The following CDKL5 variants were observed in gnomAD, a reference collection of about 807,000 sequenced individuals.
CDKL5 encodes cyclin dependent kinase like 5.
A neutral mutation model predicts 61.7 loss-of-function variants in CDKL5; 8 were observed. The ratio of observed to expected loss-of-function variants is 0.13; its 90% CI spans 0.08 to 0.23. The LOEUF (loss-of-function observed/expected upper bound fraction) is 0.23. Among genes scored for constraint, CDKL5 ranks in the 10% least tolerant of loss-of-function variants. The pLI, the probability that CDKL5 is intolerant of heterozygous loss-of-function variation, is 1.00. For missense variants in CDKL5, 440 were observed against 734.5 expected (o/e 0.60, Z 4.63); for synonymous variants, 275 against 272.3 (o/e 1.01, Z -0.10).
In CDKL5 at chrX:18,606,882, C is replaced by T. The variant is rs757740816; in HGVS notation, c.1945-1929C>T. ...TGGGAAACGGAGTGGATCTTCTACT[C>T]CTCAGAAGTAGAAACAATAGGATTT... On this transcript the variant is annotated intron_variant, in intron 12 of 17. Coordinates refer to ENST00000623535, the MANE Select transcript of CDKL5 (RefSeq NM_001323289.2). Among the ~76,000 whole-genome samples, 4 of 111,859 alleles carry T rather than the reference C, an allele frequency of 3.6e-5. No individual in the cohort carries two copies. The South Asian group carries it at 1.5e-3, about 42-fold the overall frequency.
At position 18,432,075 on chromosome X, in the gene CDKL5, ATTTC is replaced by A. The variant is rs201355473; in HGVS notation, c.-163+6404_-163+6407del. Reference sequence around the variant, plus strand: ...AGGCACATGCCACTGCACCTGGCTAATTTCTTTCTTTCTTTCTTTCTTTCTTTTT... The same window carrying A: ...AGGCACATGCCACTGCACCTGGCTAATTTCTTTCTTTCTTTCTTTCTTTTT... On this transcript the variant is annotated intron_variant, in intron 1 of 17. Transcript: ENST00000623535. Among the ~76,000 whole-genome samples, 449 of 97,953 alleles carry A rather than the reference ATTTC, an allele frequency of 4.6e-3. 3 individuals are homozygous for A. In the East Asian group the frequency reaches 0.049, roughly 11 times the overall value. The allele number at this position is 97,953 out of a possible 115,157, so 85.1% of individuals were successfully genotyped here.
chrX:18,604,411 A>G lies in CDKL5; in HGVS notation c.1487A>G (p.Lys496Arg). Residue 496 changes from lysine to arginine, a missense_variant, in exon 12 of 18, where the codon AAG (lysine) becomes AGG (arginine). Physicochemically the swap from Lys to Arg is conservative, Grantham distance 26. This residue lies in a region of CDKL5 where 363 missense variants were observed against 516.3 expected (regional missense o/e 0.70). Transcript: ENST00000623535. ...AGCCATGGGGCACTGAGTGACTCCA[A>G]GTCTGTGAGCAACCTTTCTGAAGCC... The part of the protein sequence containing the change: ...AKSHGALSDS[K>R]SVSNLSEARA... 8.3e-7 allele frequency: 1 copy of G among 1,211,651 alleles called. No homozygotes were observed.
chrX:18,473,429 C>T (rs776982290), intron 1 of CDKL5, among the ~76,000 whole-genome samples: 24 of 110,442 alleles, frequency 2.2e-4, no homozygotes, highest in African/African-American at 7.6e-4. Flanking sequence ...GTGCTCGTCA[C>T]CCAGGTAAAC....
chrX:18,631,414 C>G lies in CDKL5; in HGVS notation c.*2657C>G. 1.3e-6 allele frequency: 1 copy of G among 754,278 alleles called. No individual in the cohort carries two copies. The highest frequency in any genetic ancestry group is 1.6e-6 in the Non-Finnish European group (1 of 639,205). 62.2% of individuals were successfully genotyped at this position (754,278 alleles called of 1,213,427 possible). On this transcript the variant is annotated 3_prime_UTR_variant, in exon 18 of 18. Transcript: ENST00000623535. ...GCATTTCCAGCATGCAATTCTCTTCCTGCTCACGGAGGGGGATGCAAAAGT... is the reference window on the plus strand; with the variant it reads ...GCATTTCCAGCATGCAATTCTCTTCGTGCTCACGGAGGGGGATGCAAAAGT...
chrX:18,468,067 A>G (rs1436428793), intron 1 of CDKL5, among the ~76,000 whole-genome samples: 2 of 111,945 alleles, frequency 1.8e-5, no homozygotes, highest in East Asian at 2.8e-4. Context: ...ATTCCTGTAG[A>G]TTAAAAAATT....
chrX:18,470,721 G>T (rs1461638363), intron 1 of CDKL5, among the ~76,000 whole-genome samples: 1 of 112,134 alleles, frequency 8.9e-6, no homozygotes, highest in African/African-American at 3.2e-5. Context: ...GGTACAGGTT[G>T]ATAAATGAGA....
rs1041912870 is a variant in CDKL5 at position 18,633,141 on chromosome X, C to G, written c.*4384C>G. On this transcript the variant is annotated 3_prime_UTR_variant, in exon 18 of 18. Transcript: ENST00000623535. ...TTCCTGGAGAGCATTGCTTTTCTAT[C>G]TAGAAGTTCGTTACCTCCTGCATGA... 4.0e-6 allele frequency: 3 copies of G among 752,326 alleles called. No homozygotes were observed. The African/African-American group carries it at 7.0e-5, about 17-fold the overall frequency. 62.0% of individuals were successfully genotyped at this position (752,326 alleles called of 1,213,427 possible). A position where few individuals can be genotyped will look rare whatever the true frequency, so the allele number is the denominator to read the frequency against.
chrX:18,567,662 G>T (rs1925011182), intron 4 of CDKL5, among the ~76,000 whole-genome samples: 1 of 111,337 alleles, frequency 9.0e-6, no homozygotes, highest in Admixed American at 9.6e-5. Flanking sequence ...CAGGAGGATT[G>T]CTTGAGCCAG....
intron 1 of CDKL5, among the ~76,000 whole-genome samples, chrX:18,467,265 G>A (rs1300632446): frequency 9.0e-6 from 1 of 111,589 alleles, no homozygotes; most frequent in African/African-American, 3.3e-5. Context: ...GGCCAGTCCT[G>A]TGGATCCTGG....
At position 18,628,369 on chromosome X, in the gene CDKL5, A is replaced by G; in HGVS notation, c.2497-2A>G. ...TGTGTGCATTCTCATCCTTTCTTTC[A>G]GAGCCAGCCATTAAAATCACTGCGC... On this transcript the variant is annotated splice_acceptor_variant, in intron 17 of 17. Transcript: ENST00000623535. LOFTEE classifies it high-confidence loss of function. 8.3e-7 allele frequency: 1 copy of G among 1,210,399 alleles called. No homozygotes were observed. Among genetic ancestry groups the G allele is most frequent in the Non-Finnish European group, 1.1e-6 (1 of 894,334 alleles).
chrX:18,631,850 T>G lies in CDKL5; in HGVS notation c.*3093T>G. ...CCCAAGACCAAAAGGGAGTGCTTCA[T>G]GCTGAGGGGCTCAAGTGAGCTGACT... On this transcript the variant is annotated 3_prime_UTR_variant, in exon 18 of 18. Transcript: ENST00000623535. 1.3e-6 allele frequency: 1 copy of G among 754,410 alleles called. No homozygotes were observed. The highest frequency in any genetic ancestry group is 1.6e-6 in the Non-Finnish European group (1 of 639,302). 62.2% of individuals were successfully genotyped at this position (754,410 alleles called of 1,213,427 possible). A position where few individuals can be genotyped will look rare whatever the true frequency, so the allele number is the denominator to read the frequency against.
At chrX:18,480,897 C>G (rs1398884628) in intron 1 of CDKL5, among the ~76,000 whole-genome samples, 1 of 103,466 alleles carries the variant, frequency 9.7e-6, no homozygotes, top group Non-Finnish European at 2.0e-5. Flanking sequence ...TCGTTCTATC[C>G]CCTAGGCTGG....
At chrX:18,646,017 T>C in exon 20 of CDKL5, 2 of 1,211,708 alleles carry the variant, frequency 1.7e-6, no homozygotes, top group Non-Finnish European at 2.2e-6. Context: ...ACGGTGGATG[T>C]GATGGCAGAA....
intron 12 of CDKL5, among the ~76,000 whole-genome samples, chrX:18,606,305 T>G (rs1420327855): frequency 2.7e-5 from 3 of 112,224 alleles, no homozygotes; most frequent in Non-Finnish European, 5.6e-5. Flanking sequence ...CAGAAGCAGT[T>G]AGAAATGGCT....
chrX:18,587,931 TA>T (rs1925693579), intron 8 of CDKL5, 22 bp from the exon 9 acceptor site: 1 of 1,195,890 alleles, frequency 8.4e-7, no homozygotes, highest in African/African-American at 1.8e-5. Flanking sequence ...GTTGCCAAAA[TA>T]ATCTCTTCCT....
chrX:18,651,281 G>GAC (rs1928034685), intron 21 of CDKL5, among the ~76,000 whole-genome samples: 1 of 108,595 alleles, frequency 9.2e-6, no homozygotes, highest in African/African-American at 3.4e-5. Context: ...GAGAGAGAGA[G>GAC]AGAGAGACAG....
intron 15 of CDKL5, among the ~76,000 whole-genome samples, chrX:18,616,349 G>A (rs1926712465): frequency 9.0e-6 from 1 of 111,419 alleles, no homozygotes; most frequent in African/African-American, 3.3e-5. Context: ...TAGTTGGCCA[G>A]GCACGGTGGC....
At chrX:18,479,372 T>C (rs1921457806) in intron 1 of CDKL5, among the ~76,000 whole-genome samples, 1 of 96,322 alleles carries the variant, frequency 1.0e-5, no homozygotes, top group Non-Finnish European at 2.0e-5. Context: ...CAGGCTGGAG[T>C]GCAGTGGCAC....
chrX:18,536,432 GTTTTTTTTTTTTTTTTTTTTTT>G (rs746308567), intron 3 of CDKL5, among the ~76,000 whole-genome samples: 2 of 40,545 alleles, frequency 4.9e-5, no homozygotes, highest in East Asian at 1.1e-3. Context: ...TTCAATACAG[GTTTTTTTTTTTTTTTTTTTTTT>G]TTTTTTTTTT....
Sources: allele counts gnomAD v4.1 joint callset (sites outside exome capture counted in the v4.1 genomes callset), GRCh38; gene constraint gnomAD v4.1.1; regional missense constraint gnomAD v4.1.1; transcripts MANE v1.5; gene names NCBI Gene and HGNC (gene_info 2026-07-23, HGNC 2026-07-21).